MAP3K13: variants seen among roughly 807,000 people sequenced by gnomAD.
The protein encoded by MAP3K13 is mitogen-activated protein kinase kinase kinase 13, also known as leucine zipper-bearing kinase.
In MAP3K13, 52 loss-of-function variants were observed where a neutral mutation model predicts 104.0. The ratio of observed to expected loss-of-function variants is 0.50; its 90% confidence interval spans 0.40 to 0.63. The LOEUF is 0.63. Ranked by LOEUF, MAP3K13 falls within the 20% of genes least tolerant of loss-of-function variation. The pLI, the probability that MAP3K13 is intolerant of heterozygous loss-of-function variation, is 0.00. For missense variants in MAP3K13, 914 were observed against 1,218.5 expected (o/e 0.75, Z 3.72); for synonymous variants, 394 against 442.2 (o/e 0.89, Z 1.37).
intron 2 of MAP3K13, among the ~76,000 whole-genome samples, chr3:185,330,359 A>G (rs930026970): frequency 9.2e-5 from 14 of 151,356 alleles, no homozygotes; most frequent in African/African-American, 2.9e-4. Context: ...AGCTCAGATC[A>G]TGGTGCTGGG....
intron 4 of MAP3K13, among the ~76,000 whole-genome samples, chr3:185,444,535 T>C (rs1027624563): frequency 3.3e-5 from 5 of 152,028 alleles, no homozygotes; most frequent in South Asian, 2.1e-4. Context: ...ACAATGGCCA[T>C]AGGAAAAATA....
intron 3 of MAP3K13, among the ~76,000 whole-genome samples, chr3:185,442,321 GAA>G (rs566626069): frequency 1.4e-5 from 2 of 145,028 alleles, no homozygotes; most frequent in Non-Finnish European, 1.5e-5. Flanking sequence ...TGTCTGACAT[GAA>G]AAAAAAAAAG....
intron 2 of MAP3K13, among the ~76,000 whole-genome samples, chr3:185,344,591 C>T (rs1051480839): frequency 1.3e-5 from 2 of 152,226 alleles, no homozygotes; most frequent in African/African-American, 4.8e-5. Context: ...TTAATAATCA[C>T]TTCCGCCCCC....
At chr3:185,395,368 T>TTTTTTTTTTTTTTTTTTTTTTTC (rs1712330370) in intron 1 of MAP3K13, among the ~76,000 whole-genome samples, 1 of 80,492 alleles carries the variant, frequency 1.2e-5, no homozygotes, top group Non-Finnish European at 2.4e-5. Context: ...TTTTTTTTTT[T>TTTTTTTTTTTTTTTTTTTTTTTC]TTTTTTTTGA....
At chr3:185,451,620 A>T in intron 7 of MAP3K13, 2 of 379,798 alleles carry the variant, frequency 5.3e-6, no homozygotes, top group Non-Finnish European at 9.7e-6. Context: ...GGCCGGGTGC[A>T]CTTTGGGAGG....
At chr3:185,435,666 C>T (rs1714990701) in intron 2 of MAP3K13, among the ~76,000 whole-genome samples, 1 of 152,100 alleles carries the variant, frequency 6.6e-6, no homozygotes, top group African/African-American at 2.4e-5. Flanking sequence ...GATGAAGGCC[C>T]ACGGCATAAA....
chr3:185,323,432 G>A (rs1035006316), intron 2 of MAP3K13, among the ~76,000 whole-genome samples: 6 of 151,572 alleles, frequency 4.0e-5, no homozygotes, highest in Non-Finnish European at 5.9e-5. Context: ...CACCTCCCGG[G>A]TTCAAGCAAT....
chr3:185,448,851 C>T (rs1157260868), intron 5 of MAP3K13, among the ~76,000 whole-genome samples: 3 of 152,084 alleles, frequency 2.0e-5, no homozygotes, highest in African/African-American at 4.8e-5. Flanking sequence ...TTACAGCCAT[C>T]GTATTTGCTT....
At chr3:185,456,282 CTA>C (rs1716739512) in intron 7 of MAP3K13, among the ~76,000 whole-genome samples, 1 of 152,034 alleles carries the variant, frequency 6.6e-6, no homozygotes, top group South Asian at 2.1e-4. Context: ...AGGCTTGCCC[CTA>C]TTGTTTGTTA....
At chr3:185,430,478 T>G (rs951782914) in intron 2 of MAP3K13, among the ~76,000 whole-genome samples, 1 of 152,096 alleles carries the variant, frequency 6.6e-6, no homozygotes, top group Non-Finnish European at 1.5e-5. Context: ...TAGGCCCCAG[T>G]GTCTGTCATT....
intron 1 of MAP3K13, among the ~76,000 whole-genome samples, chr3:185,398,688 T>C (rs1712575117): frequency 6.6e-6 from 1 of 152,260 alleles, no homozygotes; most frequent in African/African-American, 2.4e-5. Flanking sequence ...GCCTAGCATG[T>C]AGCAGGCACA....
chr3:185,371,327 A>G (rs1426312044), intron 1 of MAP3K13, among the ~76,000 whole-genome samples: 2 of 152,240 alleles, frequency 1.3e-5, no homozygotes, highest in African/African-American at 2.4e-5. Context: ...TAGCATTTTC[A>G]TTTAGTAACA....
intron 1 of MAP3K13, among the ~76,000 whole-genome samples, chr3:185,386,626 A>G (rs1711710135): frequency 6.6e-6 from 1 of 152,238 alleles, no homozygotes; most frequent in African/African-American, 2.4e-5. Context: ...CACTATTCAC[A>G]ATAGCAAAGA....
chr3:185,400,578 T>C (rs1712734639), intron 1 of MAP3K13, among the ~76,000 whole-genome samples: 1 of 152,232 alleles, frequency 6.6e-6, no homozygotes, highest in Non-Finnish European at 1.5e-5. Context: ...TGGGAGTTTT[T>C]AGGTGTAGCC....
At position 185,435,037 on chromosome 3, in the gene MAP3K13, T is replaced by C. The variant is rs376149521; in HGVS notation, c.476-2410T>C. On this transcript the variant is annotated intron_variant, in intron 2 of 13. Transcript: ENST00000265026. ...TTGTTGTTTTGAGACAGAGTTTCGC[T>C]CTGTCACCCAGGCTGGAGTGCAGTG... 4.6e-5 allele frequency among the ~76,000 whole-genome samples: 7 copies of C among 152,044 alleles called. No homozygotes were observed. The East Asian group carries it at 5.8e-4, about 13-fold the overall frequency.
At position 185,487,736 on chromosome 3, in the gene MAP3K13, T is replaced by C. The variant is rs1330569163; in HGVS notation, c.*5280T>C. 6 of 152,360 alleles carry C rather than the reference T, an allele frequency of 3.9e-5. No individual in the cohort carries two copies. The East Asian group carries it at 5.8e-4, about 15-fold the overall frequency. 9.4% of individuals were successfully genotyped at this position (152,360 alleles called of 1,614,324 possible). On this transcript the variant is annotated 3_prime_UTR_variant, in exon 14 of 14. Coordinates refer to ENST00000265026, the MANE Select transcript of MAP3K13 (RefSeq NM_004721.5). The stretch of plus-strand genomic sequence containing the variant: ...CACTGAGCCAGAAGCCGAAATATTA[T>C]ACTACCACTTACCACCATCTACCAC...
rs150699513 is a variant in MAP3K13, at chr3:185,429,666, C to T, written c.475+610C>T. Reference sequence around the variant, plus strand: ...ATAAAAATAAATTTTAAAAAGTTTACTGATAACTTATACAATCAAAAAAAT... The same window carrying T: ...ATAAAAATAAATTTTAAAAAGTTTATTGATAACTTATACAATCAAAAAAAT... On this transcript the variant is annotated intron_variant, in intron 2 of 13. Transcript: ENST00000265026. 2.4e-3 allele frequency among the ~76,000 whole-genome samples: 366 copies of T among 152,174 alleles called. 3 individuals are homozygous for T. The highest frequency in any genetic ancestry group is 8.4e-3 in the African/African-American group (347 of 41,526).
chr3:185,309,150 G>T (rs1248680626), intron 2 of MAP3K13, among the ~76,000 whole-genome samples: 1 of 152,126 alleles, frequency 6.6e-6, no homozygotes, highest in East Asian at 1.9e-4. Flanking sequence ...GGTGCCAGGG[G>T]TTAGGGCTTT....
At chr3:185,480,952 C>T (rs533979036) in intron 13 of MAP3K13, among the ~76,000 whole-genome samples, 255 of 152,276 alleles carry the variant, frequency 1.7e-3, no homozygotes, top group African/African-American at 4.9e-3. Flanking sequence ...CACCAGGTGC[C>T]TCCCCCAACA....
Sources: gnomAD v4.1 joint callset for allele counts (sites outside exome capture counted in the v4.1 genomes callset) on GRCh38, gnomAD v4.1.1 for gene constraint, MANE v1.5 for transcripts, NCBI Gene and HGNC (gene_info 2026-07-23, HGNC 2026-07-21) for gene names.